SLC6A12: variants seen among roughly 807,000 people sequenced by gnomAD.
SLC6A12 encodes the protein sodium- and chloride-dependent betaine transporter.
In SLC6A12, 50 loss-of-function variants were observed where a neutral mutation model predicts 73.3. The observed-to-expected ratio is 0.68, with a 90% CI of 0.54 to 0.86. The LOEUF is 0.86. SLC6A12 is among the 40% of genes least tolerant of loss of function. The probability of loss-of-function intolerance (pLI) is 0.00; values close to 1 mark genes in which losing one functional copy is unlikely to be tolerated. For missense variants in SLC6A12, 648 were observed against 772.8 expected, an observed-to-expected ratio of 0.84 and a Z score of 1.92; for synonymous variants, 304 against 309.2, an observed-to-expected ratio of 0.98 and a Z score of 0.18.
chr12:185,811 C>T (rs971327142), downstream of SLC6A12, among the ~76,000 whole-genome samples: 1 of 152,218 alleles, frequency 6.6e-6, no homozygotes, highest in Non-Finnish European at 1.5e-5. Flanking sequence ...AGGGCACTGA[C>T]CCACCTCAAC....
At chr12:193,590 C>T (rs1939721378) in intron 13 of SLC6A12, among the ~76,000 whole-genome samples, 1 of 152,274 alleles carries the variant, frequency 6.6e-6, no homozygotes, top group Non-Finnish European at 1.5e-5. Context: ...CCCCCACACA[C>T]TGCTGCTGCC....
At chr12:193,255 G>C (rs759393815) in intron 14 of SLC6A12, 22 bp downstream of exon 14, 10 of 1,547,082 alleles carry the variant, frequency 6.5e-6, no homozygotes, top group South Asian at 1.1e-5. Context: ...AAGGAATAGA[G>C]GGGCAGCTGG....
chr12:185,377 G>C (rs577328606), downstream of SLC6A12, among the ~76,000 whole-genome samples: 8 of 152,354 alleles, frequency 5.3e-5, no homozygotes, highest in East Asian at 1.5e-3. Flanking sequence ...TTAGTGAGAT[G>C]GGGACTGAGT....
At chr12:192,309 C>G (rs905095410) in intron 15 of SLC6A12, among the ~76,000 whole-genome samples, 169 bp downstream of exon 15, 1 of 152,148 alleles carries the variant, frequency 6.6e-6, no homozygotes, top group Non-Finnish European at 1.5e-5. Flanking sequence ...TTCTGAAAAG[C>G]CACTGGACTG....
In SLC6A12 at chr12:196,212, C is replaced by G; in HGVS notation, c.1238G>C (p.Arg413Thr). 1 of 1,599,720 alleles carries G rather than the reference C, an allele frequency of 6.3e-7. No homozygotes were observed. The highest frequency in any genetic ancestry group is 1.3e-5 in the African/African-American group (1 of 75,000). ...GCGCCGCCCGCTCTTCCGGAGCTGC[C>G]TGGGGAACATGTCTATGGAGGCTGT... ...LVTASIDMFP[R>T]QLRKSGRREL... The change falls in exon 12 of 16, where the codon AGG (arginine) becomes ACG (threonine). Residue 413 changes from arginine to threonine, a missense_variant. Arg to Thr is a moderately conservative substitution (Grantham distance 71). Transcript: ENST00000684302.
intron 1 of SLC6A12, 25 bp from the exon 2 acceptor site, chr12:212,135 C>A (rs1940926495): frequency 6.6e-6 from 1 of 152,190 alleles, no homozygotes; most frequent in East Asian, 1.9e-4. Flanking sequence ...GACCACTGCT[C>A]AAAGGGGTTT....
chr12:191,400 G>A (rs1453491834), intron 15 of SLC6A12, among the ~76,000 whole-genome samples, 189 bp from the exon 16 acceptor site: 1 of 152,196 alleles, frequency 6.6e-6, no homozygotes, highest in Non-Finnish European at 1.5e-5. Context: ...GAATGAGTGT[G>A]CGCTGCCTGG....
downstream of SLC6A12, among the ~76,000 whole-genome samples, chr12:187,594 A>G (rs1472407460): frequency 0.09 from 474 of 5,274 alleles, 8 homozygotes; most frequent in Middle Eastern, 0.15. Context: ...AAGAGCAAAA[A>G]AAAAAAAAAA....
At chr12:187,895 T>C (rs1184113650), downstream of SLC6A12, among the ~76,000 whole-genome samples, 5 of 152,106 alleles carry the variant, frequency 3.3e-5, no homozygotes, top group East Asian at 1.9e-4. Context: ...AGAGTGTGGA[T>C]TGGTGCATTC....
downstream of SLC6A12, among the ~76,000 whole-genome samples, chr12:187,439 G>A (rs756710346): frequency 3.6e-4 from 55 of 151,822 alleles, no homozygotes; most frequent in African/African-American, 1.0e-3. Context: ...CTCTGAAGGC[G>A]GCGCGTCTGG....
intron 2 of SLC6A12, among the ~76,000 whole-genome samples, chr12:210,796 C>T (rs968211166): frequency 1.2e-4 from 18 of 152,180 alleles, no homozygotes; most frequent in Admixed American, 4.6e-4. Context: ...GACCAAATGA[C>T]GGGCTCCTCA....
At chr12:209,436 G>A (rs1405969274) in intron 3 of SLC6A12, among the ~76,000 whole-genome samples, 1 of 151,914 alleles carries the variant, frequency 6.6e-6, no homozygotes, top group African/African-American at 2.4e-5. Context: ...GGTCTGGCAC[G>A]TGACAGGCCT....
At chr12:206,224 C>T (rs2300125) in intron 3 of SLC6A12, among the ~76,000 whole-genome samples, 49,116 of 151,982 alleles carry the variant, frequency 0.32, 9,010 homozygotes, top group Non-Finnish European at 0.43. Flanking sequence ...ACACGTTAAA[C>T]ACTAACTCCC....
At position 204,578 on chromosome 12, in the gene SLC6A12, C is replaced by A. The variant is rs944756610; in HGVS notation, c.335G>T (p.Cys112Phe). Residue 112 changes from cysteine to phenylalanine, a missense_variant, in exon 4 of 16, where the codon TGC becomes TTC. Transcript: ENST00000684302. ...AGGATACATACCCTGGAAGAGGGGG[C>A]AGATCTTCCTCCAGGCTGTGACACT... The part of the protein sequence containing the change: ...QGSVTAWRKI[C>F]PLFQGIGLAS... 1.3e-5 allele frequency: 21 copies of A among 1,614,154 alleles called. No individual in the cohort carries two copies. Among genetic ancestry groups the A allele is most frequent in the Non-Finnish European group, 1.7e-5 (20 of 1,180,024 alleles).
downstream of SLC6A12, among the ~76,000 whole-genome samples, chr12:188,075 G>A (rs547420259): frequency 2.4e-4 from 37 of 152,340 alleles, no homozygotes; most frequent in South Asian, 8.3e-4. Flanking sequence ...CCCTCACTGG[G>A]GCCACAGGTG....
rs1940047576 is a variant in SLC6A12 at position 198,638 on chromosome 12, TA to T, written c.846+158del. 3.0e-6 allele frequency: 2 copies of T among 668,392 alleles called. No individual in the cohort carries two copies. The highest frequency in any genetic ancestry group is 3.0e-5 in the Admixed American group (1 of 32,980). The allele number at this position is 668,392 out of a possible 1,614,324, so 41.4% of individuals were successfully genotyped here. ...GTGGTGGAATTACAAGAGATTTTTT[TA>T]GTTTCTTTTTTATAGCTTTCTTCCA... On this transcript the variant is annotated intron_variant, in intron 8 of 15. Coordinates refer to ENST00000684302, the MANE Select transcript of SLC6A12 (RefSeq NM_001122848.3). This position sits in a 1 kb window ranked among gnomAD's most constrained non-coding sequence, Gnocchi z 4.0.
chr12:187,634 A>AAAAAAAAAAAAAAAAAAAC (rs1939460302), downstream of SLC6A12, among the ~76,000 whole-genome samples: 1 of 68,054 alleles, frequency 1.5e-5, no homozygotes, highest in African/African-American at 5.2e-5. Flanking sequence ...AAAAAAAACA[A>AAAAAAAAAAAAAAAAAAAC]ACCACACACA....
At position 196,251 on chromosome 12, in the gene SLC6A12, A is replaced by G. The variant is rs1336655383; in HGVS notation, c.1199T>C (p.Val400Ala). The change falls in exon 12 of 16, where the codon GTG becomes GCG. Residue 400 changes from valine (V) to alanine (A), a missense_variant. Val to Ala is a moderately conservative substitution (Grantham distance 64). Coordinates refer to ENST00000684302, the MANE Select transcript of SLC6A12 (RefSeq NM_001122848.3). ...TATGGAGGCTGTCACCAGGCACTCC[A>G]CACAGACAAACTGTGGGCCAGGAGG... ...FLGLDSQFVC[V>A]ECLVTASIDM... 6.2e-7 allele frequency: 1 copy of G among 1,608,392 alleles called. No individual in the cohort carries two copies. The highest frequency in any genetic ancestry group is 8.5e-7 in the Non-Finnish European group (1 of 1,178,454).
chr12:200,172 T>A (rs374587132), intron 7 of SLC6A12, among the ~76,000 whole-genome samples: 37 of 148,500 alleles, frequency 2.5e-4, no homozygotes, highest in South Asian at 4.3e-4. Context: ...GCAGTGGCGC[T>A]ATCTCGGCTC....
Sources: allele counts gnomAD v4.1 joint callset (sites outside exome capture counted in the v4.1 genomes callset), GRCh38; gene constraint gnomAD v4.1.1; non-coding constraint Gnocchi (gnomAD v3.1); transcripts MANE v1.5; gene names NCBI Gene and HGNC (gene_info 2026-07-23, HGNC 2026-07-21).